ARHGAP8: variants seen among roughly 807,000 people sequenced by gnomAD.
ARHGAP8 encodes rho GTPase-activating protein 8.
Under a neutral mutation model 46.1 loss-of-function variants are expected in ARHGAP8, and 62 were observed. The ratio of observed to expected loss-of-function variants is 1.34; its 90% CI spans 1.10 to 1.66. The LOEUF is 1.66. Ranked by LOEUF, ARHGAP8 falls within the 40% of genes most tolerant of loss-of-function variation. ARHGAP8 has a pLI of 0.00. For missense variants in ARHGAP8, 923 were observed against 568.4 expected (o/e 1.62, Z -6.34); for synonymous variants, 375 against 243.1 (o/e 1.54, Z -5.05).
chr22:44,792,205 T>C (rs548006434), intron 2 of ARHGAP8, among the ~76,000 whole-genome samples: 26 of 152,110 alleles, frequency 1.7e-4, no homozygotes, highest in South Asian at 4.2e-4. Flanking sequence ...AGAGATGGGG[T>C]TTCATCATGT....
At chr22:44,859,109 C>G (rs187478601) in intron 10 of ARHGAP8, among the ~76,000 whole-genome samples, 1 of 152,116 alleles carries the variant, frequency 6.6e-6, no homozygotes, top group African/African-American at 2.4e-5. Flanking sequence ...TAAAGTGATT[C>G]GGCTTTAGCA....
At chr22:44,847,119 T>G (rs898147741) in intron 8 of ARHGAP8, among the ~76,000 whole-genome samples, 9 of 152,184 alleles carry the variant, frequency 5.9e-5, no homozygotes, top group African/African-American at 2.2e-4. Flanking sequence ...GCCACAGTCC[T>G]AGGTCCTGGT....
chr22:44,782,720 C>T (rs562732201), intron 1 of ARHGAP8, among the ~76,000 whole-genome samples: 35 of 152,310 alleles, frequency 2.3e-4, no homozygotes, highest in Non-Finnish European at 4.1e-4. Context: ...CTGGACCGCA[C>T]GTGGCTTATC....
At chr22:44,780,368 A>G (rs1926754491) in intron 1 of ARHGAP8, among the ~76,000 whole-genome samples, 1 of 151,738 alleles carries the variant, frequency 6.6e-6, no homozygotes, top group Non-Finnish European at 1.5e-5. Flanking sequence ...TAAAAAATAA[A>G]ATAAAAAACA....
intron 2 of ARHGAP8, among the ~76,000 whole-genome samples, chr22:44,793,602 G>A (rs867380306): frequency 5.9e-5 from 9 of 152,098 alleles, no homozygotes; most frequent in African/African-American, 1.7e-4. Flanking sequence ...CGTTTTAATC[G>A]CCGTCCGCTG....
Position 44,847,937 on chromosome 22 carries a change from G to A in ARHGAP8, c.671-36G>A, listed in dbSNP as rs368515893. On this transcript the variant is annotated intron_variant, in intron 8 of 11. Transcript: ENST00000356099. Reference sequence around the variant, plus strand: ...AATGTCCTGGAAGCCCTTTGGGCTGGGACCTGTGAGATGCCTGGAAGCTCC... The same window carrying A: ...AATGTCCTGGAAGCCCTTTGGGCTGAGACCTGTGAGATGCCTGGAAGCTCC... 46 of 1,603,760 alleles carry A rather than the reference G, an allele frequency of 2.9e-5. No individual in the cohort carries two copies. In the African/African-American group the frequency reaches 4.4e-4, roughly 15 times the overall value.
At chr22:44,801,953 G>A (rs1928586196) in intron 2 of ARHGAP8, 124 bp from the exon 3 acceptor site, 1 of 1,112,590 alleles carries the variant, frequency 9.0e-7, no homozygotes, top group African/African-American at 1.6e-5. Flanking sequence ...TCGCCTCCGA[G>A]GAACGCTGCT....
At chr22:44,802,314 T>C in intron 3 of ARHGAP8, 150 bp downstream of exon 3, 1 of 979,772 alleles carries the variant, frequency 1.0e-6, no homozygotes, top group Non-Finnish European at 1.5e-6. Context: ...CTCATGAGCC[T>C]ACCCGAGGGC....
chr22:44,755,049 G>T (rs1924560653), intron 1 of ARHGAP8, among the ~76,000 whole-genome samples: 1 of 152,174 alleles, frequency 6.6e-6, no homozygotes, highest in Admixed American at 6.5e-5. Flanking sequence ...CTGCGATGGT[G>T]GTCACCAAAT....
intron 1 of ARHGAP8, among the ~76,000 whole-genome samples, chr22:44,772,928 C>A (rs1048294938): frequency 1.3e-5 from 2 of 151,124 alleles, no homozygotes; most frequent in African/African-American, 4.9e-5. Context: ...AAGCGGTCCT[C>A]CTACTTCAGC....
intron 2 of ARHGAP8, among the ~76,000 whole-genome samples, chr22:44,790,818 C>T (rs550904304): frequency 7.0e-4 from 105 of 151,048 alleles, no homozygotes; most frequent in Middle Eastern, 3.4e-3. Context: ...CTGCAATGTC[C>T]GCCTCCCGGG....
intron 7 of ARHGAP8, among the ~76,000 whole-genome samples, chr22:44,829,976 G>T (rs921591153): frequency 2.0e-5 from 3 of 152,080 alleles, no homozygotes; most frequent in Non-Finnish European, 4.4e-5. Flanking sequence ...AGGCTGGGTG[G>T]GGCAGGTCAT....
At chr22:44,840,257 C>T (rs567813874) in intron 7 of ARHGAP8, among the ~76,000 whole-genome samples, 21 of 152,172 alleles carry the variant, frequency 1.4e-4, no homozygotes, top group African/African-American at 2.7e-4. Context: ...TATTTTCTTG[C>T]GATTCTGGAG....
chr22:44,837,348 C>T (rs1931356516), intron 7 of ARHGAP8, among the ~76,000 whole-genome samples: 1 of 152,202 alleles, frequency 6.6e-6, no homozygotes, highest in South Asian at 2.1e-4. Context: ...AGTGGGTGGA[C>T]GACTGTCGGA....
At chr22:44,778,386 C>T (rs1486196166) in intron 1 of ARHGAP8, among the ~76,000 whole-genome samples, 1 of 152,090 alleles carries the variant, frequency 6.6e-6, no homozygotes, top group Non-Finnish European at 1.5e-5. Flanking sequence ...AGTAGTATTC[C>T]ATCGTATGTC....
chr22:44,781,858 A>G (rs1347668272), intron 1 of ARHGAP8, among the ~76,000 whole-genome samples: 2 of 151,030 alleles, frequency 1.3e-5, no homozygotes, highest in African/African-American at 4.9e-5. Flanking sequence ...TTTTAGAGAC[A>G]GGATCTTGCT....
chr22:44,768,752 CATCAGGTCGCCCT>C (rs2147006631), intron 1 of ARHGAP8, among the ~76,000 whole-genome samples: 1 of 152,110 alleles, frequency 6.6e-6, no homozygotes, highest in South Asian at 2.1e-4. Flanking sequence ...GAAGGTATGA[CATCAGGTCGCCCT>C]TCTGTCATGA....
chr22:44,828,425 ATTTTTTT>A (rs535537198), intron 7 of ARHGAP8, among the ~76,000 whole-genome samples: 63 of 118,248 alleles, frequency 5.3e-4, no homozygotes, highest in African/African-American at 6.5e-4. Flanking sequence ...GCAGACCAGA[ATTTTTTT>A]TTTTTTTTTT....
intron 1 of ARHGAP8, among the ~76,000 whole-genome samples, chr22:44,770,461 A>G (rs1602151005): frequency 1.3e-5 from 2 of 151,156 alleles, no homozygotes; most frequent in African/African-American, 4.9e-5. Flanking sequence ...GCTGGAGTGC[A>G]GTGATGCCAT....
Sources: allele counts gnomAD v4.1 joint callset (sites outside exome capture counted in the v4.1 genomes callset), GRCh38; gene constraint gnomAD v4.1.1; transcripts MANE v1.5; gene names NCBI Gene and HGNC (gene_info 2026-07-23, HGNC 2026-07-21).